Variants in PCDHA3 observed in about 807,000 individuals in gnomAD.
PCDHA3 encodes the protein protocadherin alpha 3.
Under a neutral mutation model 62.2 loss-of-function variants are expected in PCDHA3, and 41 were observed. The ratio of observed to expected loss-of-function variants is 0.66; its 90% confidence interval spans 0.51 to 0.86. PCDHA3 has a LOEUF of 0.86. Ranked by LOEUF, PCDHA3 falls within the 40% of genes least tolerant of loss-of-function variation. PCDHA3 has a pLI of 0.00. For missense variants in PCDHA3, 1,304 were observed against 1,241.2 expected (o/e 1.05, Z -0.76); for synonymous variants, 640 against 555.4 (o/e 1.15, Z -2.14).
At chr5:140,843,011 G>A (rs2150350118) in intron 1 of PCDHA3, 1 of 1,595,080 alleles carries the variant, frequency 6.3e-7, no homozygotes, top group Admixed American at 1.7e-5. Flanking sequence ...CAACGCGCCG[G>A]CACTGCTGGA....
intron 1 of PCDHA3, among the ~76,000 whole-genome samples, chr5:140,965,126 A>C (rs540121719): frequency 7.9e-5 from 12 of 152,372 alleles, no homozygotes; most frequent in African/African-American, 2.6e-4. Flanking sequence ...GAAGATCTAC[A>C]GATGACAGAA....
intron 1 of PCDHA3, among the ~76,000 whole-genome samples, chr5:140,855,664 C>G (rs2043557127): frequency 6.7e-6 from 1 of 149,694 alleles, no homozygotes. Flanking sequence ...GAAGAAATCA[C>G]TACTCTGAGA....
chr5:140,809,301 G>A, intron 1 of PCDHA3: 1 of 1,614,118 alleles, frequency 6.2e-7, no homozygotes, highest in Non-Finnish European at 8.5e-7. Flanking sequence ...ATTGCCATCT[G>A]CGCGGTGTCC....
chr5:140,851,638 T>A (rs2042116024), intron 1 of PCDHA3: 2 of 915,858 alleles, frequency 2.2e-6, no homozygotes, highest in Non-Finnish European at 2.7e-6. Context: ...AAGTGTTTCC[T>A]TTCTTCAAGA....
chr5:140,836,096 T>C (rs2150252750), intron 1 of PCDHA3: 1 of 1,613,590 alleles, frequency 6.2e-7, no homozygotes, highest in Non-Finnish European at 8.5e-7. Flanking sequence ...CTCGGGTGGG[T>C]GGCACTGGTG....
intron 1 of PCDHA3, chr5:140,808,061 A>G: frequency 6.2e-7 from 1 of 1,613,852 alleles, no homozygotes; most frequent in South Asian, 1.1e-5. Flanking sequence ...TGTGAAATCC[A>G]AGTTTCACAT....
At chr5:140,983,997 G>A (rs1191316440) in intron 3 of PCDHA3, among the ~76,000 whole-genome samples, 1 of 152,194 alleles carries the variant, frequency 6.6e-6, no homozygotes, top group Non-Finnish European at 1.5e-5. Context: ...CAATTCATTA[G>A]AGAGCTAATA....
intron 1 of PCDHA3, chr5:140,824,234 A>T: frequency 6.6e-7 from 1 of 1,516,800 alleles, no homozygotes; most frequent in Non-Finnish European, 9.1e-7. Context: ...TAGTACACAA[A>T]TATTGTGGTA....
rs1418174507 is a variant in PCDHA3 at position 140,802,099 on chromosome 5, A to T, written c.902A>T (p.Gln301Leu). ...TTCCATTTAGATCCAGTCAATGGAC[A>T]AATCAGTGTAAAGGGTAACATAGAT... The part of the protein sequence containing the change: ...SKFHLDPVNG[Q>L]ISVKGNIDFE... The change falls in exon 1 of 4, where the codon CAA (glutamine) becomes CTA (leucine). Residue 301 changes from glutamine to leucine, a missense_variant. Coordinates refer to ENST00000522353, the MANE Select transcript of PCDHA3 (RefSeq NM_018906.3). 2 of 1,614,118 alleles carry T rather than the reference A, an allele frequency of 1.2e-6. No homozygotes were observed. The highest frequency in any genetic ancestry group is 2.7e-5 in the African/African-American group (2 of 74,942).
chr5:140,843,113 G>A (rs1234618172), intron 1 of PCDHA3: 1 of 1,595,750 alleles, frequency 6.3e-7, no homozygotes, highest in Admixed American at 1.7e-5. Context: ...GCGCGCAGTG[G>A]ACGCCGACTC....
intron 1 of PCDHA3, among the ~76,000 whole-genome samples, chr5:140,948,945 A>C: frequency 6.6e-6 from 1 of 151,662 alleles, no homozygotes; most frequent in East Asian, 1.9e-4. Flanking sequence ...TCTAATATAA[A>C]AAAATTAAAG....
chr5:140,884,604 G>A lies in PCDHA3; in HGVS notation c.2394+81013G>A. The A allele has an allele frequency of 1.2e-6, 2 of 1,614,140 alleles. 1 individual carries two copies. Among genetic ancestry groups the A allele is most frequent in the Middle Eastern group, 3.3e-4 (2 of 6,062 alleles). On this transcript the variant is annotated intron_variant, in intron 1 of 3. Coordinates refer to ENST00000522353, the MANE Select transcript of PCDHA3 (RefSeq NM_018906.3). Reference sequence around the variant, plus strand: ...GCCTTCAGTCCCAGCCTTCCTCCTTGTCTGGGTTCTGCAGAGGGAACAGGC... The same window carrying A: ...GCCTTCAGTCCCAGCCTTCCTCCTTATCTGGGTTCTGCAGAGGGAACAGGC...
At chr5:140,993,460 T>TCCCACA (rs1554253699) in intron 3 of PCDHA3, among the ~76,000 whole-genome samples, 8 of 104,506 alleles carry the variant, frequency 7.7e-5, no homozygotes, top group African/African-American at 3.1e-4. Context: ...CTTCTTTCTT[T>TCCCACA]CTCACACACA....
At chr5:140,877,239 C>G (rs2056959197) in intron 1 of PCDHA3, 1 of 1,613,668 alleles carries the variant, frequency 6.2e-7, no homozygotes, top group Non-Finnish European at 8.5e-7. Context: ...GTGCGGGCCA[C>G]GTGGTGGCGA....
chr5:140,831,604 C>G (rs1771639658), intron 1 of PCDHA3, among the ~76,000 whole-genome samples: 1 of 148,704 alleles, frequency 6.7e-6, no homozygotes. Context: ...TGCAAGTGAT[C>G]TGCCCACCTT....
intron 1 of PCDHA3, chr5:140,869,081 T>C: frequency 6.3e-7 from 1 of 1,581,722 alleles, no homozygotes; most frequent in Non-Finnish European, 8.6e-7. Flanking sequence ...AGAAGCTTAT[T>C]TTGGAAGCCA....
intron 1 of PCDHA3, among the ~76,000 whole-genome samples, chr5:140,945,587 C>A (rs2093812111): frequency 6.6e-6 from 1 of 152,052 alleles, no homozygotes; most frequent in African/African-American, 2.4e-5. Context: ...TCAAAATATA[C>A]TTCAAAGCTA....
intron 1 of PCDHA3, chr5:140,928,289 G>C (rs1554205708): frequency 6.2e-7 from 1 of 1,614,170 alleles, no homozygotes; most frequent in Non-Finnish European, 8.5e-7. Flanking sequence ...TCTCTAGGCC[G>C]AGTGTTTGCC....
At chr5:140,821,916 C>A (rs1554128319) in intron 1 of PCDHA3, 1 of 1,614,106 alleles carries the variant, frequency 6.2e-7, no homozygotes, top group East Asian at 2.2e-5. Context: ...TTGGCCGCAT[C>A]GCGCAGGACC....
Sources: allele counts gnomAD v4.1 joint callset (sites outside exome capture counted in the v4.1 genomes callset), GRCh38; gene constraint gnomAD v4.1.1; transcripts MANE v1.5; gene names NCBI Gene and HGNC (gene_info 2026-07-23, HGNC 2026-07-21).